Variants in NELL1 observed in about 807,000 individuals in gnomAD.
The protein encoded by NELL1 is protein kinase C-binding protein NELL1.
A neutral mutation model predicts 107.4 loss-of-function variants in NELL1; 76 were observed. That is an observed-to-expected ratio of 0.71 (90% CI 0.59 to 0.86). The LOEUF (loss-of-function observed/expected upper bound fraction) is 0.86, where lower values mean the gene tolerates loss of function less well. NELL1 is among the 40% of genes least tolerant of loss of function. The pLI is 0.00. For missense variants in NELL1, 1,024 were observed against 1,005.5 expected (o/e 1.02, Z -0.25); for synonymous variants, 353 against 341.2 (o/e 1.03, Z -0.38).
In NELL1 at chr11:21,544,875, T is replaced by A. The variant is rs142376393; in HGVS notation, c.1786+10361T>A. Among the ~76,000 whole-genome samples the A allele has an allele frequency of 3.3e-3, 498 of 152,082 alleles. 3 individuals are homozygous for A. Among genetic ancestry groups the A allele is most frequent in the African/African-American group, 0.011 (450 of 41,528 alleles). On this transcript the variant is annotated intron_variant, in intron 16 of 19. Transcript: ENST00000357134. Reference sequence around the variant, plus strand: ...TCAGTATCATTGAATAATGAGCTGTTTCAGATGAGGTTTTTTTTTTCCGTT... The same window carrying A: ...TCAGTATCATTGAATAATGAGCTGTATCAGATGAGGTTTTTTTTTTCCGTT...
chr11:21,560,771 G>A (rs1202411788), intron 17 of NELL1, among the ~76,000 whole-genome samples: 1 of 152,072 alleles, frequency 6.6e-6, no homozygotes, highest in Non-Finnish European at 1.5e-5. Flanking sequence ...CCACCTGCAT[G>A]AACTTGCTCA....
intron 14 of NELL1, among the ~76,000 whole-genome samples, chr11:21,288,650 T>C (rs752198530): frequency 6.6e-6 from 1 of 152,210 alleles, no homozygotes; most frequent in Non-Finnish European, 1.5e-5. Flanking sequence ...TGTACCTTCA[T>C]GGGATTGTTG....
At chr11:20,965,916 A>G (rs992383945) in intron 12 of NELL1, among the ~76,000 whole-genome samples, 4 of 152,212 alleles carry the variant, frequency 2.6e-5, no homozygotes, top group Admixed American at 2.6e-4. Context: ...TAATTAAGAG[A>G]TTGTGTAGAG....
At chr11:20,973,279 T>C (rs887274489) in intron 12 of NELL1, among the ~76,000 whole-genome samples, 1 of 152,016 alleles carries the variant, frequency 6.6e-6, no homozygotes, top group African/African-American at 2.4e-5. Flanking sequence ...TGGCTAATTT[T>C]GTATTTTTAG....
At chr11:21,278,652 GA>G in intron 14 of NELL1, among the ~76,000 whole-genome samples, 1 of 152,230 alleles carries the variant, frequency 6.6e-6, no homozygotes, top group Non-Finnish European at 1.5e-5. Flanking sequence ...ACTAAATAGA[GA>G]GATAATCCAT....
rs543070150 is a variant in NELL1, at chr11:21,266,964, A to T, written c.1549+37510A>T. Among the ~76,000 whole-genome samples, 3 of 152,258 alleles carry T rather than the reference A, an allele frequency of 2.0e-5. 1 individual carries two copies. Among genetic ancestry groups the T allele is most frequent in the Non-Finnish European group, 2.9e-5 (2 of 68,002 alleles). On this transcript the variant is annotated intron_variant, in intron 14 of 19. Coordinates refer to ENST00000357134, the MANE Select transcript of NELL1 (RefSeq NM_006157.5). ...GTTAGCTGTAAGTGAATTTCTCATA[A>T]TTCTTAGCCTATTTTATATTTGCTG...
At chr11:20,983,833 T>G (rs946236216) in intron 12 of NELL1, among the ~76,000 whole-genome samples, 1 of 152,178 alleles carries the variant, frequency 6.6e-6, no homozygotes, top group South Asian at 2.1e-4. Flanking sequence ...TGGTGCACAG[T>G]TTCTCATTGC....
At chr11:20,689,791 G>A (rs1854411514) in intron 2 of NELL1, among the ~76,000 whole-genome samples, 1 of 151,672 alleles carries the variant, frequency 6.6e-6, no homozygotes, top group Admixed American at 6.6e-5. Flanking sequence ...AGTCCTTTGG[G>A]TATATACTCA....
intron 12 of NELL1, among the ~76,000 whole-genome samples, chr11:21,034,732 G>A (rs1365566445): frequency 1.3e-5 from 2 of 152,042 alleles, no homozygotes; most frequent in Non-Finnish European, 2.9e-5. Context: ...TAGAATCTCT[G>A]GGACACAGAC....
chr11:21,546,193 T>C (rs931905268), intron 16 of NELL1, among the ~76,000 whole-genome samples: 2 of 152,010 alleles, frequency 1.3e-5, no homozygotes, highest in Non-Finnish European at 2.9e-5. Flanking sequence ...ATTTAACTTA[T>C]AAGTATTTTC....
chr11:21,373,559 G>T (rs1185765773), intron 15 of NELL1, among the ~76,000 whole-genome samples: 1 of 152,022 alleles, frequency 6.6e-6, no homozygotes, highest in African/African-American at 2.4e-5. Flanking sequence ...TTTATTCATT[G>T]CTTGCAATAT....
intron 13 of NELL1, among the ~76,000 whole-genome samples, chr11:21,223,281 AC>A (rs1283527933): frequency 6.6e-6 from 1 of 152,062 alleles, no homozygotes; most frequent in Non-Finnish European, 1.5e-5. Flanking sequence ...TGTTATATAT[AC>A]TTGCTGAATT....
At chr11:21,026,990 G>A (rs1424789688) in intron 12 of NELL1, among the ~76,000 whole-genome samples, 1 of 152,044 alleles carries the variant, frequency 6.6e-6, no homozygotes, top group Non-Finnish European at 1.5e-5. Flanking sequence ...TGTGGGCTAT[G>A]ACATGGCATT....
intron 12 of NELL1, among the ~76,000 whole-genome samples, chr11:21,072,565 C>A (rs1330091013): frequency 6.6e-6 from 1 of 152,104 alleles, no homozygotes; most frequent in Non-Finnish European, 1.5e-5. Context: ...AGTAACAATT[C>A]TTTATAGGGA....
In NELL1 at chr11:20,796,067, A is replaced by G. The variant is rs116217061; in HGVS notation, c.335+12237A>G. 5.7e-3 allele frequency among the ~76,000 whole-genome samples: 861 copies of G among 152,232 alleles called. 8 individuals carry two copies. The highest frequency in any genetic ancestry group is 0.02 in the African/African-American group (835 of 41,546). ...ATCTCGTATATCAAGGCTCTCAGTAAATGTCATTTTTCTTCCTGTCCTCAT... is the reference window on the plus strand; with the variant it reads ...ATCTCGTATATCAAGGCTCTCAGTAGATGTCATTTTTCTTCCTGTCCTCAT... On this transcript the variant is annotated intron_variant, in intron 3 of 19. Coordinates refer to ENST00000357134, the MANE Select transcript of NELL1 (RefSeq NM_006157.5).
At chr11:21,410,414 T>C (rs1423277362) in intron 15 of NELL1, among the ~76,000 whole-genome samples, 1 of 151,968 alleles carries the variant, frequency 6.6e-6, no homozygotes, top group Non-Finnish European at 1.5e-5. Context: ...GGAAGGCGAG[T>C]AGGGAAAGCA....
At chr11:21,364,874 T>G (rs1290223958) in intron 14 of NELL1, among the ~76,000 whole-genome samples, 4 of 152,226 alleles carry the variant, frequency 2.6e-5, no homozygotes. Context: ...CTTCTCTGAA[T>G]GGCTTACTGC....
At chr11:21,475,695 C>A (rs1854313856) in intron 15 of NELL1, among the ~76,000 whole-genome samples, 1 of 152,168 alleles carries the variant, frequency 6.6e-6, no homozygotes, top group Non-Finnish European at 1.5e-5. Flanking sequence ...ATAATATGTG[C>A]AAGAACAAAT....
Position 21,570,797 on chromosome 11 carries a change from G to A in NELL1, c.2014G>A (p.Asp672Asn), listed in dbSNP as rs1857083233. The change falls in exon 18 of 20, where the codon GAT (aspartate) becomes AAT (asparagine). Residue 672 changes from aspartate (D) to asparagine (N), a missense_variant. Coordinates refer to ENST00000357134, the MANE Select transcript of NELL1 (RefSeq NM_006157.5). ...GKIFCRRTAC[D>N]CQNPSADLFC... The stretch of plus-strand genomic sequence containing the variant: ...GATATTCTGCCGACGGACAGCTTGT[G>A]ATTGCCAGAATCCAAGTGCTGACCT... 6.2e-7 allele frequency: 1 copy of A among 1,611,564 alleles called. No individual in the cohort carries two copies. The highest frequency in any genetic ancestry group is 1.1e-5 in the South Asian group (1 of 90,932).
Sources: allele counts gnomAD v4.1 joint callset (sites outside exome capture counted in the v4.1 genomes callset), GRCh38; gene constraint gnomAD v4.1.1; transcripts MANE v1.5; gene names NCBI Gene and HGNC (gene_info 2026-07-23, HGNC 2026-07-21).